SKIC3: variants seen among roughly 807,000 people sequenced by gnomAD.
The protein encoded by SKIC3 is superkiller complex protein 3.
At chr5:95,466,869 C>T in the SKIC3 span, among the ~76,000 whole-genome samples, 1 of 152,050 alleles carries the variant, frequency 6.6e-6, no homozygotes, top group Non-Finnish European at 1.5e-5. Context: ...TCTTTGCTTC[C>T]TTACTATAAA....
chr5:95,541,398 C>T, the SKIC3 span: 2 of 1,590,668 alleles, frequency 1.3e-6, no homozygotes, highest in Non-Finnish European at 1.7e-6. Flanking sequence ...CAAAACAAAA[C>T]ACACACACAC....
At chr5:95,510,979 TAACA>T in the SKIC3 span, among the ~76,000 whole-genome samples, 1 of 152,232 alleles carries the variant, frequency 6.6e-6, no homozygotes, top group Non-Finnish European at 1.5e-5. Flanking sequence ...TTAGATTATT[TAACA>T]AAGTACACTG....
At chr5:95,508,935 C>G in the SKIC3 span, among the ~76,000 whole-genome samples, 1 of 152,158 alleles carries the variant, frequency 6.6e-6, no homozygotes, top group East Asian at 1.9e-4. Context: ...TCTAATAAAG[C>G]TAGACAAGTT....
At chr5:95,500,872 A>G in the SKIC3 span, among the ~76,000 whole-genome samples, 1 of 152,310 alleles carries the variant, frequency 6.6e-6, no homozygotes, top group East Asian at 1.9e-4. Flanking sequence ...TCACATATCT[A>G]CCATTACGTC....
At chr5:95,513,824 T>C in the SKIC3 span, among the ~76,000 whole-genome samples, 2 of 152,342 alleles carry the variant, frequency 1.3e-5, no homozygotes, top group Admixed American at 1.3e-4. Flanking sequence ...CCTGCTAAAA[T>C]AAATTATTTT....
At chr5:95,524,550 T>C in the SKIC3 span, 3 of 1,613,824 alleles carry the variant, frequency 1.9e-6, no homozygotes, top group Non-Finnish European at 2.5e-6. Context: ...TTGGTAATGA[T>C]ATTCTGCAAC....
chr5:95,520,536 G>A, the SKIC3 span, among the ~76,000 whole-genome samples: 1 of 147,778 alleles, frequency 6.8e-6, no homozygotes, highest in Admixed American at 6.8e-5. Context: ...AATTATATCT[G>A]TTTCCCCAAG....
chr5:95,554,140 T>C, the SKIC3 span, among the ~76,000 whole-genome samples: 2 of 152,170 alleles, frequency 1.3e-5, no homozygotes, highest in Non-Finnish European at 2.9e-5. Flanking sequence ...AGTAAATGCT[T>C]AGTATAACGC....
At chr5:95,540,067 C>A in the SKIC3 span, among the ~76,000 whole-genome samples, 1 of 152,108 alleles carries the variant, frequency 6.6e-6, no homozygotes. Context: ...TAGATAGACA[C>A]AGACACACAC....
At chr5:95,489,898 A>C in the SKIC3 span, among the ~76,000 whole-genome samples, 1 of 152,268 alleles carries the variant, frequency 6.6e-6, no homozygotes, top group East Asian at 1.9e-4. Flanking sequence ...AAAATATTTC[A>C]ATCTTATATA....
At chr5:95,484,340 CTTT>C in the SKIC3 span, among the ~76,000 whole-genome samples, 2 of 119,912 alleles carry the variant, frequency 1.7e-5, no homozygotes, top group African/African-American at 3.2e-5. Flanking sequence ...ATGCATTCCT[CTTT>C]TTTTTTTTTT....
At chr5:95,503,640 T>C in the SKIC3 span, among the ~76,000 whole-genome samples, 1 of 152,164 alleles carries the variant, frequency 6.6e-6, no homozygotes. Flanking sequence ...CATAATAACA[T>C]TCTAAATGAG....
the SKIC3 span, chr5:95,520,574 T>C: frequency 1.5e-6 from 1 of 655,392 alleles, no homozygotes; most frequent in Non-Finnish European, 2.6e-6. Flanking sequence ...ATGTATGTTA[T>C]AGAATTGGCT....
the SKIC3 span, chr5:95,494,840 T>G: frequency 6.2e-7 from 1 of 1,605,896 alleles, no homozygotes; most frequent in Non-Finnish European, 8.5e-7. Flanking sequence ...TAGCTCCCTC[T>G]CTTTCAAACT....
the SKIC3 span, among the ~76,000 whole-genome samples, chr5:95,553,966 C>T: frequency 2.6e-5 from 4 of 152,324 alleles, no homozygotes; most frequent in East Asian, 1.9e-4. Flanking sequence ...TAGTGAGTTA[C>T]GGCACAGACT....
chr5:95,543,033 C>A, the SKIC3 span: 1 of 936,982 alleles, frequency 1.1e-6, no homozygotes. Flanking sequence ...TCTAAACTAA[C>A]TTTTAGGTTT....
chr5:95,513,665 G>A, the SKIC3 span: 1 of 1,603,018 alleles, frequency 6.2e-7, no homozygotes, highest in African/African-American at 1.3e-5. Context: ...GAAAAAAACA[G>A]ACTCTTAATG....
At chr5:95,487,992 T>C in the SKIC3 span, among the ~76,000 whole-genome samples, 1 of 151,988 alleles carries the variant, frequency 6.6e-6, no homozygotes, top group South Asian at 2.1e-4. Flanking sequence ...ATGGATATCA[T>C]AAGAAATAAC....
At chr5:95,537,367 T>C in the SKIC3 span, among the ~76,000 whole-genome samples, 2 of 152,180 alleles carry the variant, frequency 1.3e-5, no homozygotes, top group Non-Finnish European at 2.9e-5. Flanking sequence ...CAACTATACA[T>C]TAACAACATT....
Sources: gnomAD v4.1 joint callset for allele counts (sites outside exome capture counted in the v4.1 genomes callset) on GRCh38, gnomAD v4.1.1 for gene constraint, MANE v1.5 for transcripts, NCBI Gene and HGNC (gene_info 2026-07-23, HGNC 2026-07-21) for gene names.